The following LGALS3 variants were observed in gnomAD, a reference collection of about 807,000 sequenced individuals.
LGALS3 encodes the protein galectin-3.
LGALS3 carries 18 observed loss-of-function variants against 20.7 expected under a neutral mutation model. The ratio of observed to expected loss-of-function variants is 0.87; its 90% CI spans 0.60 to 1.29. The LOEUF is 1.29. LGALS3 is among the 50% of genes most tolerant of loss of function. The pLI is 0.00. For missense variants in LGALS3, 315 were observed against 314.7 expected, an observed-to-expected ratio of 1.00 and a Z score of -0.01; for synonymous variants, 112 against 119.6, an observed-to-expected ratio of 0.94 and a Z score of 0.42.
At position 55,142,617 on chromosome 14, in the gene LGALS3, T is replaced by G; in HGVS notation, c.465T>G (p.Val155=). Residue 155 remains valine (V), a synonymous_variant, in exon 5 of 6, where the codon GTT becomes GTG. Transcript: ENST00000254301. ...TAGATTTCCAAAGAGGGAATGATGT[T>G]GCCTTCCACTTTAACCCACGCTTCA... ...IALDFQRGND[V]AFHFNPRFNE... The G allele has an allele frequency of 6.2e-7, 1 of 1,613,860 alleles. No individual in the cohort carries two copies. The highest frequency in any genetic ancestry group is 8.5e-7 in the Non-Finnish European group (1 of 1,179,724).
intron 1 of LGALS3, among the ~76,000 whole-genome samples, chr14:55,134,450 G>A (rs566968447): frequency 6.6e-6 from 1 of 152,260 alleles, no homozygotes; most frequent in South Asian, 2.1e-4. Context: ...GCCTTAGGGT[G>A]GAAGAAGTAT....
intron 2 of LGALS3, 39 bp downstream of exon 2, chr14:55,137,430 C>A: frequency 6.2e-7 from 1 of 1,614,148 alleles, no homozygotes; most frequent in Non-Finnish European, 8.5e-7. Context: ...TTGATCAGCT[C>A]CACATGGTTG....
At chr14:55,136,095 C>G (rs1420066190) in intron 1 of LGALS3, among the ~76,000 whole-genome samples, 1 of 152,178 alleles carries the variant, frequency 6.6e-6, no homozygotes, top group East Asian at 1.9e-4. Flanking sequence ...TGCTGGAGCA[C>G]CTACAACAGC....
At chr14:55,139,496 C>T (rs530376530) in intron 3 of LGALS3, among the ~76,000 whole-genome samples, 22 of 152,164 alleles carry the variant, frequency 1.4e-4, no homozygotes, top group Admixed American at 4.6e-4. Context: ...TGTGGTGGCT[C>T]ATGCCTGTAA....
intron 1 of LGALS3, among the ~76,000 whole-genome samples, chr14:55,136,314 A>G (rs1401555868): frequency 2.0e-5 from 3 of 150,816 alleles, no homozygotes; most frequent in Admixed American, 2.0e-4. Flanking sequence ...GTACCTTTGA[A>G]AAAAAAAAAG....
chr14:55,131,544 T>C lies in LGALS3; in HGVS notation c.-5+2244T>C, dbSNP rs758049341. Among the ~76,000 whole-genome samples the C allele has an allele frequency of 3.7e-4, 57 of 152,360 alleles. 1 individual carries two copies. The highest frequency in any genetic ancestry group is 1.0e-3 in the South Asian group (5 of 4,832). On this transcript the variant is annotated intron_variant, in intron 1 of 5. Transcript: ENST00000254301. ...TTATGTACTTGATACTTGTGGTAAC[T>C]GATCTCAAACATAGCTCTTCTTTCC...
intron 5 of LGALS3, among the ~76,000 whole-genome samples, chr14:55,144,124 G>A (rs1881731908): frequency 6.6e-6 from 1 of 152,002 alleles, no homozygotes. Flanking sequence ...TTTCTTTTAG[G>A]TGTTTTAGAC....
chr14:55,140,596 A>C (rs555077940), intron 4 of LGALS3, among the ~76,000 whole-genome samples: 11 of 152,326 alleles, frequency 7.2e-5, no homozygotes, highest in African/African-American at 2.6e-4. Flanking sequence ...AGTAAACGGT[A>C]ACACACCTTA....
Position 55,136,953 on chromosome 14 carries a change from C to T in LGALS3, c.-4-417C>T, listed in dbSNP as rs576187944. On this transcript the variant is annotated intron_variant, in intron 1 of 5. Coordinates refer to ENST00000254301, the MANE Select transcript of LGALS3 (RefSeq NM_002306.4). ...ATCTTCACACCTAGATAGGAGCCTGCGCAGTGCCTGGCCAGGAGCAGGCAT... is the reference window on the plus strand; with the variant it reads ...ATCTTCACACCTAGATAGGAGCCTGTGCAGTGCCTGGCCAGGAGCAGGCAT... 1.1e-4 allele frequency among the ~76,000 whole-genome samples: 17 copies of T among 152,256 alleles called. No homozygotes were observed. In the South Asian group the frequency reaches 1.2e-3, roughly 11 times the overall value.
chr14:55,141,384 T>G (rs377466934), intron 4 of LGALS3, among the ~76,000 whole-genome samples: 2 of 152,178 alleles, frequency 1.3e-5, no homozygotes, highest in African/African-American at 2.4e-5. Context: ...CAACATCACA[T>G]AGAACCCAGC....
rs115549949 is a variant in LGALS3 at position 55,130,477 on chromosome 14, G to A, written c.-5+1177G>A. Among the ~76,000 whole-genome samples the A allele has an allele frequency of 3.2e-3, 491 of 152,200 alleles. 3 individuals carry two copies. The highest frequency in any genetic ancestry group is 0.011 in the African/African-American group (452 of 41,530). On this transcript the variant is annotated intron_variant, in intron 1 of 5. Transcript: ENST00000254301. ...GCTCAGTTAATTCTGAAGAAAATGA[G>A]ACTGATACAATTAACTACTTGGGCA... is the stretch of plus-strand genomic sequence containing the variant.
At chr14:55,131,048 TG>T (rs1881218770) in intron 1 of LGALS3, among the ~76,000 whole-genome samples, 1 of 152,216 alleles carries the variant, frequency 6.6e-6, no homozygotes, top group Admixed American at 6.5e-5. Context: ...CCTTGATCTT[TG>T]GGGGACTTAA....
chr14:55,138,127 G>A lies in LGALS3; in HGVS notation c.101G>A (p.Gly34Glu). ...GAWGNQPAGA[G>E]GYPGASYPGA... Reference sequence around the variant, plus strand: ...TGGGGGAACCAGCCTGCTGGGGCAGGGGGCTACCCAGGGGCTTCCTATCCT... The same window carrying A: ...TGGGGGAACCAGCCTGCTGGGGCAGAGGGCTACCCAGGGGCTTCCTATCCT... The change falls in exon 3 of 6, where the codon GGG becomes GAG. Residue 34 changes from glycine (G) to glutamate (E), a missense_variant. Transcript: ENST00000254301. 1 of 1,558,898 alleles carries A rather than the reference G, an allele frequency of 6.4e-7. No individual in the cohort carries two copies. The highest frequency in any genetic ancestry group is 8.6e-7 in the Non-Finnish European group (1 of 1,156,254).
chr14:55,137,239 C>T (rs935213234), intron 1 of LGALS3, 131 bp from the exon 2 acceptor site: 39 of 882,202 alleles, frequency 4.4e-5, no homozygotes, highest in East Asian at 7.2e-5. Flanking sequence ...GTTTTTGTGG[C>T]GCCACACTAC....
rs779207771 is a variant in LGALS3, at chr14:55,138,324, G to A, written c.298G>A (p.Ala100Thr). 6.2e-7 allele frequency: 1 copy of A among 1,612,400 alleles called. No individual in the cohort carries two copies. Among genetic ancestry groups the A allele is most frequent in the East Asian group, 2.2e-5 (1 of 44,880 alleles). ...TTCTGGACAGCCAAGTGCCACCGGA[G>A]CCTACCCTGCCACTGGCCCCTATGG... ...PSSGQPSATG[A>T]YPATGPYGAP... The change falls in exon 3 of 6, where the codon GCC becomes ACC. Residue 100 changes from alanine (A) to threonine (T), a missense_variant. Physicochemically the swap from Ala to Thr is moderately conservative, Grantham distance 58. Transcript: ENST00000254301.
chr14:55,136,979 A>G (rs1012724608), intron 1 of LGALS3, among the ~76,000 whole-genome samples: 2 of 152,152 alleles, frequency 1.3e-5, no homozygotes, highest in Non-Finnish European at 2.9e-5. Context: ...GAGCAGGCAT[A>G]AGTGTGTGCA....
At chr14:55,135,565 T>G (rs1024479829) in intron 1 of LGALS3, among the ~76,000 whole-genome samples, 3 of 141,026 alleles carry the variant, frequency 2.1e-5, no homozygotes, top group South Asian at 2.4e-4. Context: ...TTATGGTTTT[T>G]TTTTTTTTTT....
At chr14:55,130,801 C>A (rs1001989503) in intron 1 of LGALS3, among the ~76,000 whole-genome samples, 3 of 151,590 alleles carry the variant, frequency 2.0e-5, no homozygotes, top group African/African-American at 7.3e-5. Flanking sequence ...CTCGAACCCC[C>A]GACCTCAGGT....
At chr14:55,141,795 A>C (rs1881634212) in intron 4 of LGALS3, among the ~76,000 whole-genome samples, 1 of 152,240 alleles carries the variant, frequency 6.6e-6, no homozygotes, top group Non-Finnish European at 1.5e-5. Flanking sequence ...TGGGTGAATC[A>C]AAATACACAG....
Sources: allele counts gnomAD v4.1 joint callset (sites outside exome capture counted in the v4.1 genomes callset), GRCh38; gene constraint gnomAD v4.1.1; transcripts MANE v1.5; gene names NCBI Gene and HGNC (gene_info 2026-07-23, HGNC 2026-07-21).